Variants in SKAP1 observed in about 807,000 individuals in gnomAD.
SKAP1 encodes the protein src kinase associated phosphoprotein 1, also known as src kinase-associated phosphoprotein 1.
In SKAP1, 44 loss-of-function variants were observed where a neutral mutation model predicts 58.5. That is an observed-to-expected ratio of 0.75 (90% CI 0.59 to 0.97). SKAP1 has a LOEUF of 0.97. SKAP1 is among the 50% of genes least tolerant of loss of function. The pLI is 0.00. For missense variants in SKAP1, 390 were observed against 435.2 expected (o/e 0.90, Z 0.92); for synonymous variants, 127 against 149.7 (o/e 0.85, Z 1.11).
upstream of SKAP1, chr17:48,430,242 G>C: frequency 5.4e-6 from 3 of 553,848 alleles, no homozygotes; most frequent in Non-Finnish European, 4.9e-6. Flanking sequence ...CGCCCGCCCA[G>C]CCCGGCCGCG....
intron 4 of SKAP1, among the ~76,000 whole-genome samples, chr17:48,291,622 C>T (rs894778617): frequency 6.6e-6 from 1 of 152,212 alleles, no homozygotes; most frequent in Non-Finnish European, 1.5e-5. Context: ...CAAGTGCCAT[C>T]TGGCTCTATA....
At chr17:48,424,930 C>CA (rs11430293) in intron 1 of SKAP1, among the ~76,000 whole-genome samples, 5,067 of 84,276 alleles carry the variant, frequency 0.06, 301 homozygotes, top group African/African-American at 0.17. Flanking sequence ...GACTCTGTCT[C>CA]AAAAAAAAAA....
chr17:48,153,263 G>A (rs960390305), intron 11 of SKAP1, among the ~76,000 whole-genome samples: 9 of 152,134 alleles, frequency 5.9e-5, no homozygotes, highest in African/African-American at 2.2e-4. Context: ...GCATGCATAT[G>A]CACACACACA....
chr17:48,150,374 C>A (rs2063886104), intron 11 of SKAP1, among the ~76,000 whole-genome samples: 1 of 152,046 alleles, frequency 6.6e-6, no homozygotes, highest in Admixed American at 6.5e-5. Flanking sequence ...GCATTGTTTA[C>A]CATTTAAAAA....
At chr17:48,322,155 T>C (rs1017540148) in intron 4 of SKAP1, among the ~76,000 whole-genome samples, 2 of 152,346 alleles carry the variant, frequency 1.3e-5, no homozygotes, top group East Asian at 1.9e-4. Context: ...CCATTCAAGA[T>C]GGATTTTACA....
intron 8 of SKAP1, among the ~76,000 whole-genome samples, chr17:48,180,972 A>G (rs541467747): frequency 3.9e-5 from 6 of 152,130 alleles, no homozygotes; most frequent in Non-Finnish European, 8.8e-5. Context: ...TTTTATTTTA[A>G]TGGGGAACTG....
chr17:48,368,759 T>C (rs1353961980), intron 2 of SKAP1, among the ~76,000 whole-genome samples: 7 of 152,258 alleles, frequency 4.6e-5, no homozygotes, highest in African/African-American at 1.2e-4. Context: ...CATCTTCACT[T>C]ATGCCTCCAA....
chr17:48,219,877 T>C (rs1194777225), intron 4 of SKAP1, among the ~76,000 whole-genome samples: 1 of 152,192 alleles, frequency 6.6e-6, no homozygotes, highest in African/African-American at 2.4e-5. Context: ...GCTACCACTT[T>C]GTTCCTCACA....
At chr17:48,337,208 A>G (rs1025766188) in intron 4 of SKAP1, among the ~76,000 whole-genome samples, 1 of 152,162 alleles carries the variant, frequency 6.6e-6, no homozygotes, top group African/African-American at 2.4e-5. Context: ...CTGTCACTCA[A>G]AGTTAGAAAG....
intron 3 of SKAP1, among the ~76,000 whole-genome samples, chr17:48,360,016 C>T (rs2066916605): frequency 6.6e-6 from 1 of 152,114 alleles, no homozygotes; most frequent in South Asian, 2.1e-4. Flanking sequence ...ATGAAATATA[C>T]TGAATAATTT....
chr17:48,137,296 G>C lies in SKAP1; in HGVS notation c.1020C>G (p.Ser340Arg), dbSNP rs763142121. ...MYGWWVGELN[S>R]LVGIVPKEYL... is the part of the protein sequence containing the mutation. The stretch of plus-strand genomic sequence containing the variant: ...ACTCCTTTGGAACAATCCCAACGAG[G>C]CTGTTCAGTTCTCCCACCCACCAGC... The change falls in exon 12 of 13, where the codon AGC becomes AGG. Residue 340 changes from serine to arginine, a missense_variant. By Grantham distance (110) the Ser-to-Arg change is moderately radical. Transcript: ENST00000336915. 8 of 1,613,796 alleles carry C rather than the reference G, an allele frequency of 5.0e-6. No individual in the cohort carries two copies. In the East Asian group the frequency reaches 1.6e-4, roughly 31 times the overall value.
chr17:48,410,716 G>C lies in SKAP1; in HGVS notation c.47-13931C>G, dbSNP rs1177600552. On this transcript the variant is annotated intron_variant, in intron 1 of 12. Transcript: ENST00000336915. ...CCAAGGTGGGCGGATCACTTGAGGT[G>C]AGGAGTTTGAAACCAGCTTGGCCAA... 7.9e-5 allele frequency among the ~76,000 whole-genome samples: 12 copies of C among 151,810 alleles called. No individual in the cohort carries two copies. The East Asian group carries it at 1.2e-3, about 15-fold the overall frequency.
intron 4 of SKAP1, among the ~76,000 whole-genome samples, chr17:48,282,677 G>T (rs2065781922): frequency 6.6e-6 from 1 of 152,112 alleles, no homozygotes; most frequent in Non-Finnish European, 1.5e-5. Context: ...AGTAGGCTGA[G>T]GTGAGAGGAT....
intron 4 of SKAP1, among the ~76,000 whole-genome samples, chr17:48,235,786 T>G (rs1473058697): frequency 6.6e-6 from 1 of 152,176 alleles, no homozygotes; most frequent in African/African-American, 2.4e-5. Flanking sequence ...CAGAGGCAAG[T>G]CTTGCTTGTA....
At chr17:48,329,492 GTCAGGAGTTCGAGA>G (rs1335110490) in intron 4 of SKAP1, among the ~76,000 whole-genome samples, 1 of 152,220 alleles carries the variant, frequency 6.6e-6, no homozygotes, top group Non-Finnish European at 1.5e-5. Flanking sequence ...ATCACTTGAA[GTCAGGAGTTCGAGA>G]TCAGCCTGGC....
intron 1 of SKAP1, among the ~76,000 whole-genome samples, chr17:48,398,722 A>C (rs2067454064): frequency 6.6e-6 from 1 of 152,110 alleles, no homozygotes; most frequent in Admixed American, 6.6e-5. Flanking sequence ...TCACGCCTGT[A>C]ATCTCAGCAC....
At chr17:48,246,050 C>A (rs890696651) in intron 4 of SKAP1, among the ~76,000 whole-genome samples, 7 of 152,090 alleles carry the variant, frequency 4.6e-5, no homozygotes, top group Admixed American at 4.6e-4. Flanking sequence ...CCTTTCTCAA[C>A]GGGTTGCTAT....
At chr17:48,296,184 A>T (rs935660902) in intron 4 of SKAP1, among the ~76,000 whole-genome samples, 1 of 152,020 alleles carries the variant, frequency 6.6e-6, no homozygotes, top group African/African-American at 2.4e-5. Flanking sequence ...TTTAATAAAC[A>T]TTTTTTTCTT....
chr17:48,276,435 C>A (rs9909872), intron 4 of SKAP1, among the ~76,000 whole-genome samples: 8 of 151,938 alleles, frequency 5.3e-5, no homozygotes. Flanking sequence ...GTTAGTTGTA[C>A]ACATCTGTTT....
Sources: gnomAD v4.1 joint callset for allele counts (sites outside exome capture counted in the v4.1 genomes callset) on GRCh38, gnomAD v4.1.1 for gene constraint, MANE v1.5 for transcripts, NCBI Gene and HGNC (gene_info 2026-07-23, HGNC 2026-07-21) for gene names.